ATP10A: variants seen among roughly 807,000 people sequenced by gnomAD.
ATP10A encodes ATPase phospholipid transporting 10A (putative).
In ATP10A, 111 loss-of-function variants were observed where a neutral mutation model predicts 147.8. The ratio of observed to expected loss-of-function variants is 0.75; its 90% CI spans 0.64 to 0.88. The LOEUF (loss-of-function observed/expected upper bound fraction) is 0.88. Ranked by LOEUF, ATP10A falls within the 40% of genes least tolerant of loss-of-function variation. The probability of loss-of-function intolerance (pLI) is 0.00; values close to 1 mark genes in which losing one functional copy is unlikely to be tolerated. For missense variants in ATP10A, 1,927 were observed against 1,959.0 expected, an observed-to-expected ratio of 0.98 and a Z score of 0.31; for synonymous variants, 875 against 841.6, an observed-to-expected ratio of 1.04 and a Z score of -0.69.
intron 2 of ATP10A, among the ~76,000 whole-genome samples, chr15:25,750,112 C>G (rs1436639786): frequency 6.6e-6 from 1 of 151,814 alleles, no homozygotes; most frequent in African/African-American, 2.4e-5. Flanking sequence ...ATCCAAGAAT[C>G]TCAAACCCCC....
chr15:25,739,613 G>A (rs1050849650), intron 2 of ATP10A, among the ~76,000 whole-genome samples: 5 of 152,154 alleles, frequency 3.3e-5, no homozygotes, highest in African/African-American at 1.2e-4. Flanking sequence ...CTGCAAAAGT[G>A]CTGCCCACAC....
intron 1 of ATP10A, 132 bp downstream of exon 1, chr15:25,862,516 C>T: frequency 8.9e-7 from 1 of 1,126,018 alleles, no homozygotes; most frequent in Non-Finnish European, 1.2e-6. Context: ...TCCCGCGCAG[C>T]CGGGCCCTCC....
At chr15:25,810,210 C>T (rs12102116) in intron 1 of ATP10A, among the ~76,000 whole-genome samples, 104 of 152,104 alleles carry the variant, frequency 6.8e-4, no homozygotes, top group African/African-American at 2.3e-3. Context: ...CTCCTCATTT[C>T]CCCCCAGACC....
chr15:25,716,524 G>C (rs931436451), intron 9 of ATP10A, among the ~76,000 whole-genome samples: 2 of 152,230 alleles, frequency 1.3e-5, no homozygotes, highest in South Asian at 4.1e-4. Context: ...CATAGCCCCT[G>C]CCCACTATAG....
At chr15:25,842,224 G>C (rs574535563) in intron 1 of ATP10A, among the ~76,000 whole-genome samples, 2 of 152,200 alleles carry the variant, frequency 1.3e-5, no homozygotes, top group Non-Finnish European at 2.9e-5. Flanking sequence ...CCTTTGGCCT[G>C]ACAGAGCCTT....
At chr15:25,761,440 C>T (rs144853117) in intron 2 of ATP10A, among the ~76,000 whole-genome samples, 3,579 of 152,336 alleles carry the variant, frequency 0.023, 113 homozygotes, top group African/African-American at 0.075. Flanking sequence ...CCTCCAGACC[C>T]CAGAATGGTC....
chr15:25,814,361 G>A (rs1468340611), intron 1 of ATP10A, among the ~76,000 whole-genome samples: 2 of 152,326 alleles, frequency 1.3e-5, no homozygotes, highest in South Asian at 2.1e-4. Flanking sequence ...GGGCAGACCT[G>A]TACCATGGCA....
chr15:25,712,374 C>T (rs1414100057), intron 10 of ATP10A, among the ~76,000 whole-genome samples: 5 of 152,198 alleles, frequency 3.3e-5, no homozygotes, highest in African/African-American at 4.8e-5. Flanking sequence ...ACAGGGCTCC[C>T]TGCTCTACAG....
At chr15:25,708,475 T>TGCAAAC in intron 10 of ATP10A, 175 bp from the exon 11 acceptor site, 1 of 614,006 alleles carries the variant, frequency 1.6e-6, no homozygotes, top group South Asian at 2.0e-5. Flanking sequence ...CTCATCAATA[T>TGCAAAC]GTTTGACTGT....
chr15:25,708,402 T>G, intron 10 of ATP10A, 102 bp from the exon 11 acceptor site: 2 of 967,020 alleles, frequency 2.1e-6, no homozygotes, highest in Non-Finnish European at 3.2e-6. Flanking sequence ...TACTTGCGAA[T>G]AGAGCACAAA....
chr15:25,719,850 G>A (rs546865071), intron 7 of ATP10A, among the ~76,000 whole-genome samples: 1 of 152,332 alleles, frequency 6.6e-6, no homozygotes, highest in South Asian at 2.1e-4. Context: ...TCTGGTACGT[G>A]AGCAGGGCTT....
intron 2 of ATP10A, among the ~76,000 whole-genome samples, chr15:25,736,659 A>G (rs527837045): frequency 6.6e-6 from 1 of 152,358 alleles, no homozygotes; most frequent in East Asian, 1.9e-4. Context: ...AATTAAAAAA[A>G]AACCCTGACA....
intron 15 of ATP10A, among the ~76,000 whole-genome samples, chr15:25,688,768 A>C (rs994206721): frequency 9.8e-5 from 15 of 152,354 alleles, no homozygotes; most frequent in Middle Eastern, 3.4e-3. Flanking sequence ...GTCATGATAC[A>C]CAAAACCTTA....
chr15:25,716,887 T>A lies in ATP10A; in HGVS notation c.1619A>T (p.Lys540Met), dbSNP rs991372331. ...TAGGCTCTTGTCACACTCACTCACC[T>A]TCTCCAGCAGCTTTGGGTCGGGCGT... ...DITPDPKLLE[K>M]VSECDKSLAV... The change falls in exon 9 of 21, where the codon AAG becomes ATG. Residue 540 changes from lysine (K) to methionine (M), a missense_variant. Lys to Met is a moderately conservative substitution (Grantham distance 95). Coordinates refer to ENST00000555815, the MANE Select transcript of ATP10A (RefSeq NM_024490.4). 1 of 1,600,792 alleles carries A rather than the reference T, an allele frequency of 6.2e-7. No individual in the cohort carries two copies. The highest frequency in any genetic ancestry group is 1.3e-5 in the African/African-American group (1 of 74,502).
intron 3 of ATP10A, among the ~76,000 whole-genome samples, chr15:25,730,800 A>G (rs183421891): frequency 1.3e-5 from 2 of 152,336 alleles, no homozygotes; most frequent in East Asian, 3.9e-4. Context: ...ATATTTCTGT[A>G]TAAAATCATC....
Position 25,761,172 on chromosome 15 carries a change from C to T in ATP10A, c.654+19847G>A, listed in dbSNP as rs972403799. Among the ~76,000 whole-genome samples the T allele has an allele frequency of 3.3e-5, 5 of 151,892 alleles. No individual in the cohort carries two copies. The East Asian group carries it at 5.8e-4, about 18-fold the overall frequency. On this transcript the variant is annotated intron_variant, in intron 2 of 20. Coordinates refer to ENST00000555815, the MANE Select transcript of ATP10A (RefSeq NM_024490.4). The stretch of plus-strand genomic sequence containing the variant: ...TTTATACTGAGAGAAAAAAGTCAGA[C>T]GAAAAAAGGACACACTGTATTATTC...
In ATP10A at chr15:25,753,429, T is replaced by C. The variant is rs192115484; in HGVS notation, c.655-17288A>G. ...TGCAAATGACAGAATTTCCTTCTTTTTAAAGCTGAATAGTATTTCATTGTG... is the reference window on the plus strand; with the variant it reads ...TGCAAATGACAGAATTTCCTTCTTTCTAAAGCTGAATAGTATTTCATTGTG... On this transcript the variant is annotated intron_variant, in intron 2 of 20. Transcript: ENST00000555815. Among the ~76,000 whole-genome samples, 70 of 152,330 alleles carry C rather than the reference T, an allele frequency of 4.6e-4. 2 individuals are homozygous for C. The East Asian group carries it at 0.013, about 29-fold the overall frequency.
intron 1 of ATP10A, among the ~76,000 whole-genome samples, chr15:25,790,824 G>A (rs905927725): frequency 6.6e-6 from 1 of 152,052 alleles, no homozygotes; most frequent in Non-Finnish European, 1.5e-5. Flanking sequence ...CTGCCCACTA[G>A]TAATGGATGT....
At chr15:25,731,050 C>T (rs1902951773) in intron 3 of ATP10A, among the ~76,000 whole-genome samples, 1 of 152,214 alleles carries the variant, frequency 6.6e-6, no homozygotes, top group Non-Finnish European at 1.5e-5. Context: ...GGCAGGGACC[C>T]TGACAGCTCT....
Sources: gnomAD v4.1 joint callset for allele counts (sites outside exome capture counted in the v4.1 genomes callset) on GRCh38, gnomAD v4.1.1 for gene constraint, MANE v1.5 for transcripts, NCBI Gene and HGNC (gene_info 2026-07-23, HGNC 2026-07-21) for gene names.